Variants in GRM8 observed in about 807,000 individuals in gnomAD.
GRM8 encodes glutamate metabotropic receptor 8, also known as metabotropic glutamate receptor 8.
Under a neutral mutation model 87.2 loss-of-function variants are expected in GRM8, and 47 were observed. That is an observed-to-expected ratio of 0.54 (90% CI 0.43 to 0.69). The LOEUF (loss-of-function observed/expected upper bound fraction) is 0.69. GRM8 is among the 30% of genes least tolerant of loss of function. GRM8 has a pLI of 0.00. For synonymous variants in GRM8, 396 were observed against 404.5 expected (o/e 0.98, Z 0.25); for missense variants, 1,019 against 1,139.2 (o/e 0.89, Z 1.52).
At chr7:127,216,301 G>A (rs1331045274) in intron 2 of GRM8, among the ~76,000 whole-genome samples, 4 of 151,860 alleles carry the variant, frequency 2.6e-5, no homozygotes, top group Non-Finnish European at 4.4e-5. Flanking sequence ...GGAGGATCAC[G>A]AGGTCAGGAG....
chr7:126,812,978 A>G (rs77178387), intron 6 of GRM8, among the ~76,000 whole-genome samples: 3,007 of 152,040 alleles, frequency 0.02, 100 homozygotes, highest in African/African-American at 0.064. Flanking sequence ...TGCTGCAGTG[A>G]ACATTTACCT....
intron 10 of GRM8, among the ~76,000 whole-genome samples, chr7:126,445,613 G>A (rs140387724): frequency 6.6e-6 from 1 of 151,990 alleles, no homozygotes; most frequent in Non-Finnish European, 1.5e-5. Flanking sequence ...CAAGGAAAGG[G>A]GACCACGTGG....
chr7:126,941,515 G>A (rs530589735), intron 3 of GRM8, among the ~76,000 whole-genome samples: 4 of 151,362 alleles, frequency 2.6e-5, no homozygotes, highest in African/African-American at 4.8e-5. Context: ...AGCTACTTGG[G>A]AGGCTGAGGC....
chr7:126,624,402 C>T (rs1454133076), intron 7 of GRM8, among the ~76,000 whole-genome samples: 1 of 152,160 alleles, frequency 6.6e-6, no homozygotes, highest in African/African-American at 2.4e-5. Flanking sequence ...TTTCATTACT[C>T]GTATCCCACC....
At chr7:127,047,554 A>G (rs1819056258) in intron 3 of GRM8, among the ~76,000 whole-genome samples, 1 of 151,758 alleles carries the variant, frequency 6.6e-6, no homozygotes, top group African/African-American at 2.4e-5. Flanking sequence ...TGCAGTCCAG[A>G]TGCAGTGGCT....
At chr7:126,617,602 T>C (rs1381018471) in intron 7 of GRM8, among the ~76,000 whole-genome samples, 2 of 152,188 alleles carry the variant, frequency 1.3e-5, no homozygotes, top group Non-Finnish European at 2.9e-5. Flanking sequence ...TGTTTGCAGA[T>C]GACATGATTG....
rs187736577 is a variant in GRM8, at chr7:126,599,698, G to A, written c.1494+9664C>T. Among the ~76,000 whole-genome samples the A allele has an allele frequency of 5.2e-3, 789 of 152,220 alleles. 11 individuals are homozygous for A. Among genetic ancestry groups the A allele is most frequent in the Non-Finnish European group, 4.4e-3 (299 of 68,002 alleles). ...GTTCCTCAGCCTCCAGACCAAGAGA[G>A]AATATGTTTCCTTGTGAATGCTGAT... On this transcript the variant is annotated intron_variant, in intron 8 of 10. Transcript: ENST00000339582.
At chr7:126,956,489 C>CT (rs371403046) in intron 3 of GRM8, among the ~76,000 whole-genome samples, 698 of 152,118 alleles carry the variant, frequency 4.6e-3, no homozygotes, top group African/African-American at 9.8e-3. Flanking sequence ...TCAACATTCC[C>CT]TTTTTTTTAT....
intron 3 of GRM8, among the ~76,000 whole-genome samples, chr7:127,062,775 C>T (rs760338404): frequency 3.4e-4 from 52 of 152,050 alleles, no homozygotes; most frequent in Non-Finnish European, 6.2e-4. Context: ...TCCACTGCTT[C>T]TAGGTTTTGC....
intron 8 of GRM8, among the ~76,000 whole-genome samples, chr7:126,574,844 C>T (rs1453956891): frequency 6.6e-6 from 1 of 152,032 alleles, no homozygotes; most frequent in Admixed American, 6.6e-5. Flanking sequence ...TACCATTGAT[C>T]GACCTGACTG....
intron 7 of GRM8, among the ~76,000 whole-genome samples, chr7:126,706,232 TA>T (rs1810496423): frequency 6.6e-6 from 1 of 152,096 alleles, no homozygotes. Context: ...ACAGAACCAA[TA>T]AGCCAATTCC....
At chr7:126,929,884 G>GATTT (rs1805583574) in intron 3 of GRM8, among the ~76,000 whole-genome samples, 1 of 152,188 alleles carries the variant, frequency 6.6e-6, no homozygotes, top group Non-Finnish European at 1.5e-5. Flanking sequence ...AAAATATAAA[G>GATTT]AAACTTAAAC....
chr7:126,485,107 C>A (rs369272144), intron 9 of GRM8, among the ~76,000 whole-genome samples: 56 of 152,112 alleles, frequency 3.7e-4, no homozygotes, highest in Middle Eastern at 3.4e-3. Context: ...ATTGATTATG[C>A]AAGCATTATT....
chr7:126,595,433 T>G (rs978535068), intron 8 of GRM8, among the ~76,000 whole-genome samples: 2 of 145,634 alleles, frequency 1.4e-5, no homozygotes, highest in African/African-American at 5.2e-5. Context: ...ATTTTATTAT[T>G]TTATTATTTA....
chr7:126,796,302 A>G (rs937684601), intron 6 of GRM8, among the ~76,000 whole-genome samples: 1 of 151,934 alleles, frequency 6.6e-6, no homozygotes, highest in Non-Finnish European at 1.5e-5. Flanking sequence ...ATATCATATC[A>G]TATCAAACAC....
chr7:127,181,455 C>G (rs1587215965), intron 2 of GRM8, among the ~76,000 whole-genome samples: 1 of 152,024 alleles, frequency 6.6e-6, no homozygotes, highest in East Asian at 1.9e-4. Flanking sequence ...CATTCCCCAT[C>G]AAAATACCAC....
intron 1 of GRM8, among the ~76,000 whole-genome samples, chr7:127,247,246 T>C (rs1798626867): frequency 6.6e-6 from 1 of 152,154 alleles, no homozygotes; most frequent in Non-Finnish European, 1.5e-5. Flanking sequence ...GATGTCAAGG[T>C]GATGTCAGGT....
At chr7:126,833,541 C>T (rs79097551) in intron 6 of GRM8, among the ~76,000 whole-genome samples, 3,354 of 152,240 alleles carry the variant, frequency 0.022, 139 homozygotes, top group African/African-American at 0.076. Flanking sequence ...AGGCTCTAAC[C>T]TGATCTGCTC....
At chr7:126,959,464 T>C (rs558766164) in intron 3 of GRM8, among the ~76,000 whole-genome samples, 31 of 152,282 alleles carry the variant, frequency 2.0e-4, no homozygotes, top group South Asian at 4.1e-4. Context: ...AATAACACTG[T>C]ACAGGGTTTA....
Sources: allele counts gnomAD v4.1 joint callset (sites outside exome capture counted in the v4.1 genomes callset), GRCh38; gene constraint gnomAD v4.1.1; transcripts MANE v1.5; gene names NCBI Gene and HGNC (gene_info 2026-07-23, HGNC 2026-07-21).